OXCT1: variants seen among roughly 807,000 people sequenced by gnomAD.
OXCT1 encodes 3-oxoacid CoA-transferase 1, also known as succinyl-CoA:3-ketoacid coenzyme A transferase 1, mitochondrial.
Under a neutral mutation model 69.6 loss-of-function variants are expected in OXCT1, and 27 were observed. That is an observed-to-expected ratio of 0.39 (90% CI 0.29 to 0.54). OXCT1 has a LOEUF of 0.54. Among genes scored for constraint, OXCT1 ranks in the 20% least tolerant of loss-of-function variants. The pLI, the probability that OXCT1 is intolerant of heterozygous loss-of-function variation, is 0.72. For synonymous variants in OXCT1, 202 were observed against 217.8 expected (o/e 0.93, Z 0.64); for missense variants, 437 against 650.2 (o/e 0.67, Z 3.57).
At chr5:41,754,756 A>T (rs1436016215) in intron 14 of OXCT1, among the ~76,000 whole-genome samples, 1 of 152,066 alleles carries the variant, frequency 6.6e-6, no homozygotes, top group Non-Finnish European at 1.5e-5. Context: ...GACTCAGCTA[A>T]CTTAGAAGCA....
chr5:41,771,218 G>A (rs1435403897), intron 13 of OXCT1, among the ~76,000 whole-genome samples: 1 of 151,848 alleles, frequency 6.6e-6, no homozygotes, highest in Non-Finnish European at 1.5e-5. Flanking sequence ...CATTCAAGAG[G>A]GTCTCCATAG....
chr5:41,861,125 T>C (rs147998255), intron 3 of OXCT1, among the ~76,000 whole-genome samples, 189 bp downstream of exon 3: 27 of 152,270 alleles, frequency 1.8e-4, no homozygotes, highest in Middle Eastern at 3.4e-3. Context: ...GCTTTACTTA[T>C]GAAGGATGGT....
intron 14 of OXCT1, among the ~76,000 whole-genome samples, chr5:41,754,117 A>T (rs1743944408): frequency 1.3e-5 from 2 of 152,078 alleles, no homozygotes; most frequent in Non-Finnish European, 2.9e-5. Flanking sequence ...TAAAGCTTAA[A>T]GGCACTTGCC....
rs1190931254 is a variant in OXCT1, at chr5:41,842,676, T to C, written c.670A>G (p.Arg224Gly). 2 of 1,606,238 alleles carry C rather than the reference T, an allele frequency of 1.2e-6. No homozygotes were observed. The highest frequency in any genetic ancestry group is 1.7e-6 in the Non-Finnish European group (2 of 1,172,964). The change falls in exon 6 of 17, where the codon AGG (arginine) becomes GGG (glycine). Residue 224 changes from arginine (R) to glycine (G), a missense_variant and splice_region_variant. Physicochemically the swap from Arg to Gly is moderately radical, Grantham distance 125. Around this residue, in one of 4 missense-constraint regions of OXCT1, gnomAD observed 252 missense variants for 397.4 expected, o/e 0.63. Transcript: ENST00000196371. ...KADRAGNVIF[R>G]KSARNFNLPM... ...GTGTTTTTAAAACTATCACAATACC[T>C]GAAAATCACGTTTCCTGCTCGGTCC...
intron 3 of OXCT1, among the ~76,000 whole-genome samples, chr5:41,860,903 G>A (rs1025274686): frequency 6.6e-6 from 1 of 151,642 alleles, no homozygotes; most frequent in African/African-American, 2.4e-5. Flanking sequence ...CTAAAAGAAA[G>A]GGCTTTAAAC....
intron 14 of OXCT1, among the ~76,000 whole-genome samples, chr5:41,751,620 C>T (rs1409537272): frequency 1.3e-5 from 2 of 152,106 alleles, no homozygotes; most frequent in African/African-American, 4.8e-5. Context: ...GGGTCCAGCA[C>T]TTAGTGCTTA....
At chr5:41,792,278 A>G (rs189320444) in intron 13 of OXCT1, among the ~76,000 whole-genome samples, 2 of 152,286 alleles carry the variant, frequency 1.3e-5, no homozygotes, top group East Asian at 3.9e-4. Flanking sequence ...CTCAAGTTAC[A>G]CTGCCAGCAA....
At chr5:41,859,793 C>T (rs921576181) in intron 3 of OXCT1, among the ~76,000 whole-genome samples, 5 of 148,144 alleles carry the variant, frequency 3.4e-5, no homozygotes, top group African/African-American at 1.3e-4. Flanking sequence ...CATTGGTACA[C>T]AACCAGACAT....
chr5:41,818,766 G>T (rs746751566), intron 7 of OXCT1, among the ~76,000 whole-genome samples: 2 of 152,012 alleles, frequency 1.3e-5, no homozygotes, highest in African/African-American at 4.8e-5. Flanking sequence ...ATGGAAAAAC[G>T]TGTTTATAAG....
chr5:41,766,560 T>C (rs1032020679), intron 13 of OXCT1, among the ~76,000 whole-genome samples: 2 of 145,960 alleles, frequency 1.4e-5, no homozygotes, highest in Non-Finnish European at 3.0e-5. Flanking sequence ...CAATATTACA[T>C]TGTACTCCAA....
chr5:41,787,311 T>C (rs1404682813), intron 13 of OXCT1, among the ~76,000 whole-genome samples: 2 of 152,136 alleles, frequency 1.3e-5, no homozygotes, highest in African/African-American at 4.8e-5. Context: ...TTTCGGACAT[T>C]AGACCACACA....
chr5:41,753,101 T>C (rs1269482546), intron 14 of OXCT1, among the ~76,000 whole-genome samples: 1 of 152,120 alleles, frequency 6.6e-6, no homozygotes, highest in African/African-American at 2.4e-5. Context: ...AAGTTTCATG[T>C]TATTGCAATG....
At chr5:41,773,673 T>C (rs941115663) in intron 13 of OXCT1, among the ~76,000 whole-genome samples, 1 of 150,444 alleles carries the variant, frequency 6.6e-6, no homozygotes, top group South Asian at 2.1e-4. Context: ...AAAATTGTTT[T>C]CAAAGTGAAA....
intron 13 of OXCT1, among the ~76,000 whole-genome samples, chr5:41,781,285 C>T (rs1004321549): frequency 8.5e-5 from 13 of 152,080 alleles, no homozygotes; most frequent in African/African-American, 3.1e-4. Flanking sequence ...GGTTTGCTTA[C>T]CACTCTACCC....
At chr5:41,806,455 T>C (rs1469287385) in intron 8 of OXCT1, among the ~76,000 whole-genome samples, 4 of 152,074 alleles carry the variant, frequency 2.6e-5, no homozygotes, top group African/African-American at 7.2e-5. Flanking sequence ...AAATCTCAGG[T>C]TGAAATGTAC....
At chr5:41,746,473 C>T (rs1237723167) in intron 15 of OXCT1, among the ~76,000 whole-genome samples, 2 of 152,070 alleles carry the variant, frequency 1.3e-5, no homozygotes, top group African/African-American at 4.8e-5. Context: ...ACTGCATTCT[C>T]ATTACTCATT....
Position 41,778,950 on chromosome 5 carries a change from T to C in OXCT1, c.1248+15053A>G, listed in dbSNP as rs539100135. On this transcript the variant is annotated intron_variant, in intron 13 of 16. Transcript: ENST00000196371. ...TGCAACTTTTGACAAGGAAGTAAAA[T>C]ATACTCAGAAGCAATATTGGAATGT... is the stretch of plus-strand genomic sequence containing the variant. 4.6e-5 allele frequency among the ~76,000 whole-genome samples: 7 copies of C among 152,316 alleles called. 1 individual carries two copies. The South Asian group carries it at 1.4e-3, about 32-fold the overall frequency.
rs150515049 is a variant in OXCT1, at chr5:41,798,369, C to T, written c.1099+2653G>A. Reference sequence around the variant, plus strand: ...CATATACCTCTAGAGCAGAGTTTCTCCTGCTTAGCACTATTGAGCATTGGG... The same window carrying T: ...CATATACCTCTAGAGCAGAGTTTCTTCTGCTTAGCACTATTGAGCATTGGG... On this transcript the variant is annotated intron_variant, in intron 11 of 16. Transcript: ENST00000196371. Among the ~76,000 whole-genome samples, 887 of 152,270 alleles carry T rather than the reference C, an allele frequency of 5.8e-3. 2 individuals carry two copies. Among genetic ancestry groups the T allele is most frequent in the Non-Finnish European group, 1.0e-2 (680 of 68,016 alleles).
chr5:41,840,374 T>C (rs1748567559), intron 7 of OXCT1, 77 bp downstream of exon 7: 1 of 1,059,670 alleles, frequency 9.4e-7, no homozygotes, highest in Non-Finnish European at 1.5e-6. Flanking sequence ...ACAAATGAAC[T>C]GTGGTACTTT....
Sources: gnomAD v4.1 joint callset for allele counts (sites outside exome capture counted in the v4.1 genomes callset) on GRCh38, gnomAD v4.1.1 for gene constraint, gnomAD v4.1.1 regional missense constraint, MANE v1.5 for transcripts, NCBI Gene and HGNC (gene_info 2026-07-23, HGNC 2026-07-21) for gene names.